Variants in CLEC12A observed in about 807,000 individuals in gnomAD.
CLEC12A encodes C-type lectin domain family 12 member A.
In CLEC12A, 22 loss-of-function variants were observed where a neutral mutation model predicts 26.5. That is an observed-to-expected ratio of 0.83 (90% confidence interval 0.59 to 1.19). The LOEUF is 1.19. Ranked by LOEUF, CLEC12A falls within the 50% of genes most tolerant of loss-of-function variation. The pLI is 0.00. For synonymous variants in CLEC12A, 119 were observed against 101.9 expected (o/e 1.17, Z -1.01); for missense variants, 353 against 315.6 (o/e 1.12, Z -0.90).
intron 5 of CLEC12A, chr12:9,983,419 T>C: frequency 1.6e-6 from 1 of 623,316 alleles, no homozygotes; most frequent in Non-Finnish European, 2.8e-6. Context: ...CTATTTTAAG[T>C]GGATTTATAC....
intron 4 of CLEC12A, chr12:9,990,811 T>C (rs1864875502): frequency 6.6e-6 from 1 of 152,184 alleles, no homozygotes; most frequent in African/African-American, 2.4e-5. Flanking sequence ...AACTTCACCA[T>C]TGTCTTATTT....
upstream of CLEC12A, among the ~76,000 whole-genome samples, chr12:9,970,845 A>G (rs151023094): frequency 7.2e-5 from 11 of 152,326 alleles, no homozygotes; most frequent in East Asian, 9.6e-4. Context: ...GGTTGGCGCT[A>G]AAGTAATTTT....
chr12:9,983,653 G>A (rs1436893813), intron 5 of CLEC12A: 1 of 586,618 alleles, frequency 1.7e-6, no homozygotes, highest in Non-Finnish European at 3.0e-6. Context: ...CTGTGTTGAG[G>A]TGCCACCACA....
intron 4 of CLEC12A, chr12:9,993,108 G>A (rs772842340): frequency 3.2e-6 from 5 of 1,583,552 alleles, no homozygotes; most frequent in Non-Finnish European, 4.3e-6. Context: ...GTACAATAAA[G>A]CCCTTATCTG....
At chr12:9,965,065 A>G (rs2137114395) in intron 1 of CLEC12A, among the ~76,000 whole-genome samples, 1 of 152,236 alleles carries the variant, frequency 6.6e-6, no homozygotes, top group South Asian at 2.1e-4. Flanking sequence ...AAGAAAATAG[A>G]TTTTGGAAAT....
chr12:9,952,988 C>G (rs1431935194), intron 1 of CLEC12A: 2 of 120,004 alleles, frequency 1.7e-5, no homozygotes, highest in Non-Finnish European at 3.5e-5. Flanking sequence ...GCAGCCGCCC[C>G]GTCTGAGAAG....
upstream of CLEC12A, among the ~76,000 whole-genome samples, chr12:9,967,641 C>T (rs544928647): frequency 2.6e-4 from 39 of 151,638 alleles, no homozygotes; most frequent in African/African-American, 8.0e-4. Context: ...CCAAGAAGAG[C>T]GGTACTTGCC....
At chr12:9,983,287 A>G (rs1305698872) in intron 5 of CLEC12A, among the ~76,000 whole-genome samples, 2 of 152,192 alleles carry the variant, frequency 1.3e-5, no homozygotes, top group African/African-American at 4.8e-5. Context: ...GAAAAATTTA[A>G]AGACTGGTTT....
intron 1 of CLEC12A, among the ~76,000 whole-genome samples, chr12:9,956,694 T>A (rs1863746727): frequency 6.6e-6 from 1 of 152,328 alleles, no homozygotes; most frequent in African/African-American, 2.4e-5. Flanking sequence ...TCAGGCAAAC[T>A]ATAATAAGAT....
intron 1 of CLEC12A, among the ~76,000 whole-genome samples, chr12:9,975,132 G>C (rs139557531): frequency 8.6e-4 from 131 of 152,270 alleles, no homozygotes; most frequent in African/African-American, 2.8e-3. Flanking sequence ...AAATTACCCA[G>C]TTGTGGGTAT....
chr12:9,979,958 T>C (rs1864487985), intron 3 of CLEC12A, among the ~76,000 whole-genome samples: 1 of 152,210 alleles, frequency 6.6e-6, no homozygotes. Context: ...GTTGGTCTTT[T>C]AGTGTCTCCA....
At chr12:9,962,246 GT>G (rs1863842332) in intron 1 of CLEC12A, among the ~76,000 whole-genome samples, 1 of 138,576 alleles carries the variant, frequency 7.2e-6, no homozygotes, top group East Asian at 2.1e-4. Context: ...TGTATAACCG[GT>G]TTTTTCTTTT....
chr12:10,001,288 T>A, the CLEC12A span, among the ~76,000 whole-genome samples: 3 of 152,224 alleles, frequency 2.0e-5, no homozygotes, highest in Non-Finnish European at 4.4e-5. Flanking sequence ...CAGGATTAGT[T>A]CTTGATCCTT....
intron 1 of CLEC12A, among the ~76,000 whole-genome samples, chr12:9,954,292 C>T (rs886835852): frequency 2.0e-5 from 3 of 149,192 alleles, no homozygotes; most frequent in Non-Finnish European, 4.4e-5. Flanking sequence ...CCCAGGAGTT[C>T]GAGACCAGCC....
chr12:9,955,441 G>C (rs916074299), intron 1 of CLEC12A, among the ~76,000 whole-genome samples: 7 of 152,120 alleles, frequency 4.6e-5, no homozygotes, highest in African/African-American at 1.7e-4. Flanking sequence ...TATAAAAATG[G>C]TTAACAAGGA....
chr12:9,954,592 T>C (rs4763394), intron 1 of CLEC12A, among the ~76,000 whole-genome samples: 96,531 of 152,130 alleles, frequency 0.63, 30,754 homozygotes, highest in Admixed American at 0.68. Context: ...AGTTCAACCA[T>C]GTGAACATGT....
chr12:9,953,638 G>T (rs1464417527), intron 1 of CLEC12A, among the ~76,000 whole-genome samples: 2 of 150,666 alleles, frequency 1.3e-5, no homozygotes, highest in African/African-American at 4.9e-5. Context: ...GGTGAGGGGC[G>T]CCTCTGCCCG....
rs369551967 is a variant in CLEC12A at position 9,978,936 on chromosome 12, A to G, written c.92-30A>G. Reference sequence around the variant, plus strand: ...TCCAAATGAAAGTTATACCATTTTTAGGCCTCTCTGTTAATTTTGCTTTCC... The same window carrying G: ...TCCAAATGAAAGTTATACCATTTTTGGGCCTCTCTGTTAATTTTGCTTTCC... On this transcript the variant is annotated intron_variant, in intron 1 of 5. Coordinates refer to ENST00000304361, the MANE Select transcript of CLEC12A (RefSeq NM_138337.6). The G allele has an allele frequency of 3.1e-5, 45 of 1,453,694 alleles. No individual in the cohort carries two copies. The African/African-American group carries it at 5.7e-4, about 19-fold the overall frequency. 90.0% of individuals were successfully genotyped at this position (1,453,694 alleles called of 1,614,324 possible). A position where few individuals can be genotyped will look rare whatever the true frequency, so the allele number is the denominator to read the frequency against.
Position 9,983,429 on chromosome 12 carries a change from C to A in CLEC12A, c.641+1300C>A, listed in dbSNP as rs140400886. On this transcript the variant is annotated intron_variant, in intron 5 of 5. Transcript: ENST00000304361. ...ATATACTATTTTAAGTGGATTTATA[C>A]GTTGTATTTGTTCTGCTTATAATGG... 1.3e-4 allele frequency: 87 copies of A among 651,724 alleles called. No homozygotes were observed. In the African/African-American group the frequency reaches 1.5e-3, roughly 11 times the overall value. The allele number at this position is 651,724 out of a possible 1,614,324, so 40.4% of individuals were successfully genotyped here. A position where few individuals can be genotyped will look rare whatever the true frequency, so the allele number is the denominator to read the frequency against.
Sources: allele counts gnomAD v4.1 joint callset (sites outside exome capture counted in the v4.1 genomes callset), GRCh38; gene constraint gnomAD v4.1.1; transcripts MANE v1.5; gene names NCBI Gene and HGNC (gene_info 2026-07-23, HGNC 2026-07-21).